Variants in BMPER observed in about 807,000 individuals in gnomAD.
The protein encoded by BMPER is BMP-binding endothelial regulator protein.
BMPER carries 45 observed loss-of-function variants against 87.3 expected under a neutral mutation model. The ratio of observed to expected loss-of-function variants is 0.52; its 90% CI spans 0.41 to 0.66. BMPER has a LOEUF of 0.66. Ranked by LOEUF, BMPER falls within the 30% of genes least tolerant of loss-of-function variation. BMPER has a pLI of 0.00. For missense variants in BMPER, 784 were observed against 867.5 expected, an observed-to-expected ratio of 0.90 and a Z score of 1.21; for synonymous variants, 326 against 316.2, an observed-to-expected ratio of 1.03 and a Z score of -0.33.
intron 11 of BMPER, among the ~76,000 whole-genome samples, chr7:34,077,065 C>T (rs760299829): frequency 1.4e-4 from 21 of 152,134 alleles, no homozygotes; most frequent in Non-Finnish European, 5.9e-5. Flanking sequence ...GTATTACTTC[C>T]GAACTGTCAT....
chr7:34,078,014 C>T (rs989413563), intron 11 of BMPER, among the ~76,000 whole-genome samples: 5 of 151,902 alleles, frequency 3.3e-5, no homozygotes, highest in African/African-American at 7.3e-5. Context: ...TATTTACATG[C>T]AGAACAAACC....
intron 3 of BMPER, among the ~76,000 whole-genome samples, chr7:33,938,503 TA>T (rs947667416): frequency 2.2e-4 from 34 of 152,192 alleles, no homozygotes; most frequent in African/African-American, 7.2e-4. Context: ...GCCACCAGCT[TA>T]GGAGTGCCCA....
intron 11 of BMPER, among the ~76,000 whole-genome samples, chr7:34,064,413 G>C (rs1041521029): frequency 3.9e-5 from 6 of 152,194 alleles, no homozygotes; most frequent in African/African-American, 1.2e-4. Context: ...TATATTATCA[G>C]TTTATTCATT....
chr7:34,086,381 G>A (rs1009642530), intron 13 of BMPER, among the ~76,000 whole-genome samples: 3 of 152,192 alleles, frequency 2.0e-5, no homozygotes, highest in Admixed American at 2.0e-4. Context: ...TTTTCCAGGT[G>A]TTAGCTTAAC....
chr7:33,998,018 C>G lies in BMPER; in HGVS notation c.576+23234C>G, dbSNP rs1176876381. Among the ~76,000 whole-genome samples, 3 of 152,198 alleles carry G rather than the reference C, an allele frequency of 2.0e-5. No homozygotes were observed. The South Asian group carries it at 6.2e-4, about 31-fold the overall frequency. ...TTTTCATTTTGTCTTTCTCTTCTTT[C>G]CCTGCCCTGGTAGAATACAAGCTCC... On this transcript the variant is annotated intron_variant, in intron 6 of 14. Transcript: ENST00000649409.
chr7:34,077,018 A>T (rs985476630), intron 11 of BMPER, among the ~76,000 whole-genome samples: 1 of 152,222 alleles, frequency 6.6e-6, no homozygotes, highest in Non-Finnish European at 1.5e-5. Flanking sequence ...GCATCTGGTC[A>T]TCAGGTTACT....
At chr7:33,944,130 G>A (rs1363914195) in intron 3 of BMPER, among the ~76,000 whole-genome samples, 1 of 151,906 alleles carries the variant, frequency 6.6e-6, no homozygotes, top group Non-Finnish European at 1.5e-5. Context: ...TTATTTTTAA[G>A]AATGATTTTT....
At chr7:34,070,278 G>A (rs1045341066) in intron 11 of BMPER, among the ~76,000 whole-genome samples, 3 of 152,148 alleles carry the variant, frequency 2.0e-5, no homozygotes, top group Non-Finnish European at 2.9e-5. Context: ...GCTAATGGCT[G>A]TTTCCAATCC....
chr7:34,111,667 G>A (rs1583450466), intron 13 of BMPER, among the ~76,000 whole-genome samples: 1 of 152,292 alleles, frequency 6.6e-6, no homozygotes, highest in South Asian at 2.1e-4. Flanking sequence ...GCAAAATTAT[G>A]GTCTGTGGGA....
intron 13 of BMPER, among the ~76,000 whole-genome samples, chr7:34,123,812 T>C (rs2058679): frequency 0.023 from 3,489 of 152,316 alleles, 118 homozygotes; most frequent in African/African-American, 0.078. Context: ...TTCATAATTT[T>C]CAGCTAATTA....
intron 4 of BMPER, 96 bp downstream of exon 4, chr7:33,966,657 C>A: frequency 8.3e-7 from 1 of 1,209,682 alleles, no homozygotes; most frequent in South Asian, 1.3e-5. Context: ...CCTAAAAAGG[C>A]CAAACAGAAA....
chr7:34,117,640 C>T (rs1790151212), intron 13 of BMPER, among the ~76,000 whole-genome samples: 1 of 152,116 alleles, frequency 6.6e-6, no homozygotes, highest in Non-Finnish European at 1.5e-5. Flanking sequence ...ATAATTTTTT[C>T]ATTCTTGTCA....
chr7:34,151,829 A>T (rs1360124140), intron 14 of BMPER, among the ~76,000 whole-genome samples: 1 of 152,236 alleles, frequency 6.6e-6, no homozygotes, highest in Non-Finnish European at 1.5e-5. Context: ...TTTTATTTAG[A>T]TGTTTTGTTT....
chr7:34,038,634 G>T (rs1327256883), intron 6 of BMPER, among the ~76,000 whole-genome samples: 1 of 152,086 alleles, frequency 6.6e-6, no homozygotes, highest in South Asian at 2.1e-4. Flanking sequence ...TTTGTTTCAG[G>T]CTTGGTTCTC....
At chr7:33,909,934 A>G (rs1239444564) in intron 2 of BMPER, among the ~76,000 whole-genome samples, 2 of 152,190 alleles carry the variant, frequency 1.3e-5, no homozygotes, top group African/African-American at 4.8e-5. Context: ...CTGTAAGCAG[A>G]GCTGAATAAT....
Position 33,905,759 on chromosome 7 carries a change from GCGGGAGGGACC to G in BMPER, c.133+14_133+24del. 6.2e-7 allele frequency: 1 copy of G among 1,605,340 alleles called. No individual in the cohort carries two copies. The highest frequency in any genetic ancestry group is 1.7e-5 in the Admixed American group (1 of 59,940). On this transcript the variant is annotated intron_variant, in intron 1 of 14. Transcript: ENST00000649409. Reference sequence around the variant, plus strand: ...TCCTTCTTGACAGGTAGGGGAGGGGGCGGGAGGGACCGGCCCTCCGGGACGCCGGTTTGGTA... The same window carrying G: ...TCCTTCTTGACAGGTAGGGGAGGGGGGGCCCTCCGGGACGCCGGTTTGGTA...
intron 4 of BMPER, among the ~76,000 whole-genome samples, chr7:33,967,538 A>G (rs1248575641): frequency 6.6e-6 from 1 of 152,254 alleles, no homozygotes; most frequent in Non-Finnish European, 1.5e-5. Context: ...GCTTATTTAT[A>G]TAGGAAATCT....
At position 34,017,237 on chromosome 7, in the gene BMPER, T is replaced by G. The variant is rs1325237691; in HGVS notation, c.577-29069T>G. On this transcript the variant is annotated intron_variant, in intron 6 of 14. Transcript: ENST00000649409. Reference sequence around the variant, plus strand: ...GTTTTAAAGTGCTGCCTTGTCATGCTAATGATGAGTGTATTGGTCTGTTAT... The same window carrying G: ...GTTTTAAAGTGCTGCCTTGTCATGCGAATGATGAGTGTATTGGTCTGTTAT... Among the ~76,000 whole-genome samples the G allele has an allele frequency of 3.3e-5, 5 of 151,932 alleles. No individual in the cohort carries two copies. The East Asian group carries it at 9.7e-4, about 30-fold the overall frequency.
At chr7:34,078,134 T>C (rs867888300) in intron 11 of BMPER, among the ~76,000 whole-genome samples, 1 of 152,224 alleles carries the variant, frequency 6.6e-6, no homozygotes, top group Admixed American at 6.5e-5. Flanking sequence ...TTTGAATTAA[T>C]GATATTTCAG....
Sources: allele counts gnomAD v4.1 joint callset (sites outside exome capture counted in the v4.1 genomes callset), GRCh38; gene constraint gnomAD v4.1.1; transcripts MANE v1.5; gene names NCBI Gene and HGNC (gene_info 2026-07-23, HGNC 2026-07-21).